KCNIP4: variants seen among roughly 807,000 people sequenced by gnomAD.
KCNIP4 encodes potassium voltage-gated channel interacting protein 4.
In KCNIP4, 12 loss-of-function variants were observed where a neutral mutation model predicts 34.0. The ratio of observed to expected loss-of-function variants is 0.35; its 90% confidence interval spans 0.23 to 0.57. KCNIP4 has a LOEUF of 0.57. Among genes scored for constraint, KCNIP4 ranks in the 20% least tolerant of loss-of-function variants. KCNIP4 has a pLI of 0.83. For missense variants in KCNIP4, 238 were observed against 311.7 expected (o/e 0.76, Z 1.78); for synonymous variants, 124 against 102.2 (o/e 1.21, Z -1.29).
At chr4:21,833,461 G>C (rs1723120611) in intron 1 of KCNIP4, among the ~76,000 whole-genome samples, 1 of 152,038 alleles carries the variant, frequency 6.6e-6, no homozygotes, top group Admixed American at 6.6e-5. Flanking sequence ...TTGTAAATTT[G>C]TTTGAGTTCA....
chr4:21,757,150 AGAAAGAAAGAAAGAAAGAAGGAAG>A lies in KCNIP4; in HGVS notation c.61+191397_61+191420del, dbSNP rs1560691033. 2.3e-4 allele frequency among the ~76,000 whole-genome samples: 6 copies of A among 26,342 alleles called. No individual in the cohort carries two copies. The East Asian group carries it at 5.1e-3, about 22-fold the overall frequency. The allele number at this position is 26,342 out of a possible 152,430, so 17.3% of individuals were successfully genotyped here. On this transcript the variant is annotated intron_variant, in intron 1 of 8. Coordinates refer to ENST00000382152, the MANE Select transcript of KCNIP4 (RefSeq NM_025221.6). ...AAGAAAGAAAGAAAGAAAGAAAGAA[AGAAAGAAAGAAAGAAAGAAGGAAG>A]GAAGGAAGGAAGGAAGGAAGGAAGG...
At chr4:20,765,603 A>G (rs1480447655) in intron 3 of KCNIP4, among the ~76,000 whole-genome samples, 1 of 152,160 alleles carries the variant, frequency 6.6e-6, no homozygotes, top group Non-Finnish European at 1.5e-5. Flanking sequence ...GGCTGAGGAA[A>G]ATGTTCTGGT....
chr4:21,647,019 T>G (rs987519282), intron 1 of KCNIP4, among the ~76,000 whole-genome samples: 1 of 152,136 alleles, frequency 6.6e-6, no homozygotes, highest in South Asian at 2.1e-4. Flanking sequence ...TTTCAGTCTT[T>G]TGTAATTGAA....
intron 3 of KCNIP4, among the ~76,000 whole-genome samples, chr4:20,786,663 A>G (rs954679377): frequency 1.3e-5 from 2 of 152,162 alleles, no homozygotes; most frequent in African/African-American, 4.8e-5. Flanking sequence ...AAAAATAAAA[A>G]AGACAATTTC....
intron 1 of KCNIP4, chr4:21,719,006 G>GT (rs1211157364): frequency 2.0e-5 from 3 of 152,150 alleles, no homozygotes; most frequent in African/African-American, 7.2e-5. Flanking sequence ...GCACTCAGCG[G>GT]TAAGAACCTA....
intron 1 of KCNIP4, among the ~76,000 whole-genome samples, chr4:20,911,726 A>G (rs1299842448): frequency 6.6e-6 from 1 of 152,178 alleles, no homozygotes; most frequent in Non-Finnish European, 1.5e-5. Flanking sequence ...GCCTTCACTC[A>G]TTGGATTCAC....
intron 1 of KCNIP4, among the ~76,000 whole-genome samples, chr4:21,838,355 TG>T (rs2109316565): frequency 6.6e-6 from 1 of 152,300 alleles, no homozygotes; most frequent in South Asian, 2.1e-4. Flanking sequence ...GTTGTAAAAG[TG>T]GGACAATCGC....
chr4:21,760,083 T>A (rs1717940983), intron 1 of KCNIP4, among the ~76,000 whole-genome samples: 1 of 152,078 alleles, frequency 6.6e-6, no homozygotes, highest in Admixed American at 6.6e-5. Flanking sequence ...TGAATATAAA[T>A]ATGAACAATG....
At chr4:20,919,762 A>G (rs2149584557) in intron 1 of KCNIP4, among the ~76,000 whole-genome samples, 1 of 148,796 alleles carries the variant, frequency 6.7e-6, no homozygotes. Flanking sequence ...GGCGGGGGGG[A>G]GTCAAATGAG....
intron 1 of KCNIP4, among the ~76,000 whole-genome samples, chr4:21,800,326 T>G (rs1459031750): frequency 6.6e-6 from 1 of 152,184 alleles, no homozygotes; most frequent in African/African-American, 2.4e-5. Context: ...CACTGAAGAC[T>G]TGCTATAATT....
At chr4:20,811,831 C>G (rs576316301) in intron 3 of KCNIP4, among the ~76,000 whole-genome samples, 1 of 152,220 alleles carries the variant, frequency 6.6e-6, no homozygotes, top group Non-Finnish European at 1.5e-5. Flanking sequence ...TGCTTATGAT[C>G]TTGTAGGAAA....
At chr4:21,218,519 T>A (rs904169012) in intron 1 of KCNIP4, among the ~76,000 whole-genome samples, 1 of 152,184 alleles carries the variant, frequency 6.6e-6, no homozygotes, top group African/African-American at 2.4e-5. Flanking sequence ...TTCATATGAA[T>A]GAATGAGTAT....
At chr4:21,584,370 T>G (rs1201917610) in intron 1 of KCNIP4, among the ~76,000 whole-genome samples, 2 of 152,048 alleles carry the variant, frequency 1.3e-5, no homozygotes, top group Non-Finnish European at 2.9e-5. Context: ...CAACCTAAAT[T>G]ATAGTACAAA....
chr4:21,513,800 A>G (rs2109929261), intron 1 of KCNIP4, among the ~76,000 whole-genome samples: 1 of 152,350 alleles, frequency 6.6e-6, no homozygotes, highest in South Asian at 2.1e-4. Flanking sequence ...CACAAGAGGA[A>G]TGAAAAGAAT....
intron 1 of KCNIP4, among the ~76,000 whole-genome samples, chr4:21,146,848 T>C (rs866090043): frequency 1.3e-5 from 2 of 152,180 alleles, no homozygotes; most frequent in Admixed American, 6.5e-5. Context: ...AAGCATTTTT[T>C]ATTCTTTTGC....
At chr4:21,622,618 G>C (rs954534589) in intron 1 of KCNIP4, among the ~76,000 whole-genome samples, 2 of 151,880 alleles carry the variant, frequency 1.3e-5, no homozygotes, top group Admixed American at 1.3e-4. Context: ...CATGACTTCT[G>C]CATATAAAGA....
rs373871935 is a variant in KCNIP4, at chr4:21,792,867, G to A, written c.61+155704C>T. ...AGCATCCATAGTTTCCTATTTCTTT[G>A]TAAATACCAAACCTAGAAAACTACA... On this transcript the variant is annotated intron_variant, in intron 1 of 8. Coordinates refer to ENST00000382152, the MANE Select transcript of KCNIP4 (RefSeq NM_025221.6). Among the ~76,000 whole-genome samples the A allele has an allele frequency of 9.2e-5, 14 of 152,282 alleles. No homozygotes were observed. The East Asian group carries it at 2.3e-3, about 25-fold the overall frequency.
At chr4:21,864,609 G>A (rs1011144499) in intron 1 of KCNIP4, among the ~76,000 whole-genome samples, 1 of 152,146 alleles carries the variant, frequency 6.6e-6, no homozygotes, top group Non-Finnish European at 1.5e-5. Context: ...TTAGAACAAG[G>A]TATATATTTT....
At chr4:21,197,264 G>T (rs1756124324) in intron 1 of KCNIP4, among the ~76,000 whole-genome samples, 1 of 152,072 alleles carries the variant, frequency 6.6e-6, no homozygotes, top group Non-Finnish European at 1.5e-5. Context: ...TTTCTTTTGG[G>T]TATATAACTA....
Sources: gnomAD v4.1 joint callset for allele counts (sites outside exome capture counted in the v4.1 genomes callset) on GRCh38, gnomAD v4.1.1 for gene constraint, MANE v1.5 for transcripts, NCBI Gene and HGNC (gene_info 2026-07-23, HGNC 2026-07-21) for gene names.